The following STXBP2 variants were observed in gnomAD, a reference collection of about 807,000 sequenced individuals.
STXBP2 encodes syntaxin-binding protein 2.
In STXBP2, 47 loss-of-function variants were observed where a neutral mutation model predicts 72.2. The ratio of observed to expected loss-of-function variants is 0.65; its 90% CI spans 0.51 to 0.83. STXBP2 has a LOEUF of 0.83. Among genes scored for constraint, STXBP2 ranks in the 40% least tolerant of loss-of-function variants. The pLI is 0.00. For synonymous variants in STXBP2, 367 were observed against 338.7 expected (o/e 1.08, Z -0.92); for missense variants, 702 against 807.6 (o/e 0.87, Z 1.58).
chr19:7,630,569 C>CCT, the STXBP2 span: 2 of 1,536,132 alleles, frequency 1.3e-6, no homozygotes, highest in South Asian at 2.4e-5. Context: ...CTCTGCCATT[C>CCT]CAGATGATAA....
At position 7,639,983 on chromosome 19, in the gene STXBP2, C is replaced by T. The variant is rs1030528324; in HGVS notation, c.246+176C>T. 8.9e-5 allele frequency: 65 copies of T among 733,000 alleles called. 1 individual carries two copies. The highest frequency in any genetic ancestry group is 3.2e-4 in the South Asian group (21 of 66,542). The allele number at this position is 733,000 out of a possible 1,614,324, so 45.4% of individuals were successfully genotyped here. ...GTGCATCTGTGTATGCATGTGTGTG[C>T]GTGTTTGCATGTGTGTCTATGTATG... On this transcript the variant is annotated intron_variant, in intron 4 of 18. Transcript: ENST00000221283.
chr19:7,632,321 C>G (rs1284747431), upstream of STXBP2: 50 of 1,590,638 alleles, frequency 3.1e-5, no homozygotes, highest in Non-Finnish European at 4.2e-5. This position sits in a 1 kb window ranked among gnomAD's most constrained non-coding sequence, Gnocchi z 5.2. Context: ...TCCCTCCTGG[C>G]TGGGGTGGAG....
chr19:7,646,038 T>G (rs965724347), intron 15 of STXBP2: 1 of 597,536 alleles, frequency 1.7e-6, no homozygotes, highest in East Asian at 2.8e-5. Context: ...TGGCTCGCTC[T>G]CTCTCCCTTT....
chr19:7,642,120 T>C lies in STXBP2; in HGVS notation c.663+2T>C, dbSNP rs1599398070. The C allele has an allele frequency of 1.9e-6, 3 of 1,613,826 alleles. No homozygotes were observed. Among genetic ancestry groups the C allele is most frequent in the Non-Finnish European group, 2.5e-6 (3 of 1,179,960 alleles). On this transcript the variant is annotated splice_donor_variant, in intron 8 of 18. Transcript: ENST00000221283. LOFTEE classifies it high-confidence loss of function. The surrounding 1 kb of genome is among the most constrained non-coding windows in gnomAD (Gnocchi z 6.0). Reference sequence around the variant, plus strand: ...GCAGACACTCCCAGTCTGGGCGAGGTGAGGGGGCGTGCTTGGGAGGTGAGG... The same window carrying C: ...GCAGACACTCCCAGTCTGGGCGAGGCGAGGGGGCGTGCTTGGGAGGTGAGG...
chr19:7,631,450 C>T, the STXBP2 span: 8 of 1,527,932 alleles, frequency 5.2e-6, no homozygotes, highest in Non-Finnish European at 6.1e-6. Flanking sequence ...CCCTTCCTGT[C>T]CCACCCGCTT....
At position 7,646,243 on chromosome 19, in the gene STXBP2, C is replaced by CT; in HGVS notation, c.1357-5dup. ...CCCCCTGCTGCCCTCCCTGCCCTGCCTGTAGGGCTCGGGGACCTCCAGCCG... is the reference window on the plus strand; with the variant it reads ...CCCCCTGCTGCCCTCCCTGCCCTGCCTTGTAGGGCTCGGGGACCTCCAGCCG... On this transcript the variant is annotated splice_region_variant and splice_polypyrimidine_tract_variant and intron_variant, in intron 15 of 18. Transcript: ENST00000221283. 1.0e-5 allele frequency: 16 copies of CT among 1,598,118 alleles called. No homozygotes were observed. The highest frequency in any genetic ancestry group is 1.4e-5 in the Non-Finnish European group (16 of 1,173,392).
chr19:7,637,257 G>A lies in STXBP2; in HGVS notation c.37+71G>A, dbSNP rs984675767. 3.4e-6 allele frequency: 4 copies of A among 1,189,384 alleles called. No individual in the cohort carries two copies. The African/African-American group carries it at 4.8e-5, about 14-fold the overall frequency. 73.7% of individuals were successfully genotyped at this position (1,189,384 alleles called of 1,614,324 possible). A position where few individuals can be genotyped will look rare whatever the true frequency, so the allele number is the denominator to read the frequency against. On this transcript the variant is annotated intron_variant, in intron 1 of 18. Coordinates refer to ENST00000221283, the MANE Select transcript of STXBP2 (RefSeq NM_006949.4). ...GGGGTCGGGGACGCACGGGCTCTGG[G>A]ATCCTGGGTTTCATGGCGGCTGGGA...
chr19:7,630,869 C>T, the STXBP2 span: 1 of 1,537,154 alleles, frequency 6.5e-7, no homozygotes, highest in South Asian at 1.2e-5. Flanking sequence ...TTCTTCCTGC[C>T]AGAGGGATGG....
rs763288117 is a variant in STXBP2 at position 7,638,760 on chromosome 19, G to C, written c.72G>C (p.Lys24Asn). 4.3e-6 allele frequency: 7 copies of C among 1,614,168 alleles called. No individual in the cohort carries two copies. In the South Asian group the frequency reaches 7.7e-5, roughly 18 times the overall value. The change falls in exon 2 of 19, where the codon AAG becomes AAC. Residue 24 changes from lysine (K) to asparagine (N), a missense_variant. Physicochemically the swap from Lys to Asn is moderately conservative, Grantham distance 94. Transcript: ENST00000221283. ...ILSGVIRSVK[K>N]DGEWKVLIMD... is the part of the protein sequence containing the mutation. ...GCGGAGTTATTCGGAGTGTCAAGAA[G>C]GATGGGGAGTGGAAGGTAGGGGTGA... is the stretch of plus-strand genomic sequence containing the variant.
chr19:7,632,481 T>A, upstream of STXBP2: 2 of 1,613,582 alleles, frequency 1.2e-6, no homozygotes, highest in Non-Finnish European at 1.7e-6. The surrounding 1 kb of genome is among the most constrained non-coding windows in gnomAD (Gnocchi z 5.2). Flanking sequence ...GGCCAGCATG[T>A]CCATGAGGCT....
chr19:7,640,069 C>CGT (rs774512082), intron 4 of STXBP2: 6 of 601,282 alleles, frequency 1.0e-5, no homozygotes, highest in Middle Eastern at 4.4e-4. Flanking sequence ...TGTGTGTATG[C>CGT]GTGTGTGTCT....
At chr19:7,646,497 G>A (rs1218842549) in intron 16 of STXBP2, 153 bp downstream of exon 16, 3 of 767,030 alleles carry the variant, frequency 3.9e-6, no homozygotes, top group East Asian at 2.7e-5. Flanking sequence ...AGGGGGGCAC[G>A]CCAAGCCCGC....
chr19:7,632,250 G>A, upstream of STXBP2: 1 of 1,294,610 alleles, frequency 7.7e-7, no homozygotes, highest in African/African-American at 1.5e-5. This position sits in a 1 kb window ranked among gnomAD's most constrained non-coding sequence, Gnocchi z 5.2. Context: ...CCACTGCCTG[G>A]GCCTTGGTCC....
At chr19:7,636,497 C>T (rs1242708012), upstream of STXBP2, 1 of 151,750 alleles carries the variant, frequency 6.6e-6, no homozygotes, top group Admixed American at 6.6e-5. Context: ...GACAAATGCC[C>T]CCTGGGGACA....
chr19:7,645,390 C>A, intron 15 of STXBP2, 84 bp downstream of exon 15: 1 of 1,303,548 alleles, frequency 7.7e-7, no homozygotes, highest in Non-Finnish European at 1.1e-6. Context: ...GCCATTGGTG[C>A]ACAGGCACGG....
chr19:7,640,209 T>C lies in STXBP2; in HGVS notation c.246+402T>C, dbSNP rs1242344484. ...GTGCATGTGTGTATGCGTGTGTATG[T>C]ATGTGTCTGCGTCTGTGTGTGCGTC... On this transcript the variant is annotated intron_variant, in intron 4 of 18. Coordinates refer to ENST00000221283, the MANE Select transcript of STXBP2 (RefSeq NM_006949.4). 3 of 546,418 alleles carry C rather than the reference T, an allele frequency of 5.5e-6. No individual in the cohort carries two copies. In the Admixed American group the frequency reaches 6.7e-5, roughly 12 times the overall value. The allele number at this position is 546,418 out of a possible 1,614,324, so 33.8% of individuals were successfully genotyped here. A position where few individuals can be genotyped will look rare whatever the true frequency, so the allele number is the denominator to read the frequency against.
At chr19:7,647,309 C>T (rs926698044) in intron 17 of STXBP2, 45 bp from the exon 18 acceptor site, 79 of 1,611,846 alleles carry the variant, frequency 4.9e-5, no homozygotes, top group Non-Finnish European at 6.3e-5. Context: ...GGCCTGGCGG[C>T]GGTGAGGGCC....
At chr19:7,635,720 TGGG>T (rs1356642186), upstream of STXBP2, among the ~76,000 whole-genome samples, 3 of 148,672 alleles carry the variant, frequency 2.0e-5, no homozygotes, top group Non-Finnish European at 4.5e-5. Flanking sequence ...CAAACAAAAA[TGGG>T]GAGGAGGGAG....
At chr19:7,632,274 C>T (rs569866397), upstream of STXBP2, 43 of 1,468,690 alleles carry the variant, frequency 2.9e-5, no homozygotes, top group Admixed American at 5.0e-4. This position sits in a 1 kb window ranked among gnomAD's most constrained non-coding sequence, Gnocchi z 5.2. Flanking sequence ...CATCTGAAGT[C>T]AGGGCAGCGG....
Sources: gnomAD v4.1 joint callset for allele counts (sites outside exome capture counted in the v4.1 genomes callset) on GRCh38, gnomAD v4.1.1 for gene constraint, Gnocchi (gnomAD v3.1) non-coding constraint, MANE v1.5 for transcripts, NCBI Gene and HGNC (gene_info 2026-07-23, HGNC 2026-07-21) for gene names.